Variants in TOP1MT observed in about 807,000 individuals in gnomAD.
TOP1MT encodes the protein DNA topoisomerase I, mitochondrial.
A neutral mutation model predicts 73.9 loss-of-function variants in TOP1MT; 80 were observed. The observed-to-expected ratio is 1.08, with a 90% confidence interval of 0.90 to 1.30. The LOEUF is 1.30. TOP1MT is among the 50% of genes most tolerant of loss of function. TOP1MT has a pLI of 0.00. For missense variants in TOP1MT, 815 were observed against 808.0 expected (o/e 1.01, Z -0.10); for synonymous variants, 338 against 326.4 (o/e 1.04, Z -0.38).
chr8:143,337,850 G>A (rs1018337080), upstream of TOP1MT, among the ~76,000 whole-genome samples: 2 of 152,130 alleles, frequency 1.3e-5, no homozygotes, highest in Admixed American at 1.3e-4. Flanking sequence ...GGACCTAATC[G>A]CTTCTGTTAT....
At chr8:143,342,776 C>T (rs1236892309) in intron 2 of TOP1MT, among the ~76,000 whole-genome samples, 3 of 78,776 alleles carry the variant, frequency 3.8e-5, no homozygotes, top group Non-Finnish European at 9.0e-5. Context: ...GAGTCTTGCT[C>T]TATTATTATT....
intron 12 of TOP1MT, among the ~76,000 whole-genome samples, chr8:143,313,668 A>G (rs1334560490): frequency 6.6e-6 from 1 of 151,798 alleles, no homozygotes; most frequent in African/African-American, 2.4e-5. Flanking sequence ...AGCCTGGGCA[A>G]CATGGTGAAA....
intron 7 of TOP1MT, 38 bp from the exon 8 acceptor site, chr8:143,321,424 C>A: frequency 6.6e-7 from 1 of 1,524,008 alleles, no homozygotes; most frequent in Non-Finnish European, 8.9e-7. Flanking sequence ...GTGGTGCGTG[C>A]ACACGCACGC....
upstream of TOP1MT, among the ~76,000 whole-genome samples, chr8:143,335,102 A>G (rs1320240774): frequency 6.6e-6 from 1 of 152,246 alleles, no homozygotes; most frequent in Non-Finnish European, 1.5e-5. Flanking sequence ...GCGGGGACCC[A>G]GATCCAAACC....
chr8:143,321,874 CCA>C (rs1395957447), intron 7 of TOP1MT, among the ~76,000 whole-genome samples: 3 of 58,786 alleles, frequency 5.1e-5, no homozygotes, highest in African/African-American at 1.1e-4. Flanking sequence ...CACACGCACA[CCA>C]CACGCACGCC....
intron 3 of TOP1MT, chr8:143,327,798 G>T: frequency 2.3e-6 from 1 of 430,556 alleles, no homozygotes; most frequent in Admixed American, 2.7e-5. Flanking sequence ...AGCCTGCACA[G>T]GGGACAAGGA....
At chr8:143,327,879 C>T (rs1463901763) in intron 3 of TOP1MT, 2 of 340,416 alleles carry the variant, frequency 5.9e-6, no homozygotes, top group Non-Finnish European at 1.1e-5. Context: ...CGGCCTCTAC[C>T]CCACACTATA....
intron 3 of TOP1MT, 103 bp downstream of exon 3, chr8:143,329,236 TCACACAGGGGC>T: frequency 8.3e-7 from 1 of 1,199,908 alleles, no homozygotes; most frequent in Non-Finnish European, 1.1e-6. Context: ...CTGTGAGTGG[TCACACAGGGGC>T]CACCGAGAAC....
chr8:143,309,613 G>A (rs1405732109), intron 13 of TOP1MT, 70 bp from the exon 14 acceptor site: 50 of 1,600,230 alleles, frequency 3.1e-5, no homozygotes, highest in East Asian at 2.7e-4. Context: ...CAGGGTGCTC[G>A]GCAAGGGCGA....
Position 143,309,552 on chromosome 8 carries a change from G to C in TOP1MT, c.1704-9C>G, listed in dbSNP as rs1399568053. 1 of 1,613,494 alleles carries C rather than the reference G, an allele frequency of 6.2e-7. No individual in the cohort carries two copies. Among genetic ancestry groups the C allele is most frequent in the Non-Finnish European group, 8.5e-7 (1 of 1,179,980 alleles). Reference sequence around the variant, plus strand: ...CCCTGAACCGCTTGCACCTGCGGGAGGCAGCATCAGCCCAGGCAAGCAGGC... The same window carrying C: ...CCCTGAACCGCTTGCACCTGCGGGACGCAGCATCAGCCCAGGCAAGCAGGC... On this transcript the variant is annotated splice_polypyrimidine_tract_variant and intron_variant, in intron 13 of 13. Coordinates refer to ENST00000329245, the MANE Select transcript of TOP1MT (RefSeq NM_052963.3).
intron 3 of TOP1MT, 147 bp from the exon 4 acceptor site, chr8:143,326,491 G>T (rs1041478775): frequency 1.5e-5 from 16 of 1,052,090 alleles, no homozygotes; most frequent in Non-Finnish European, 2.2e-5. Context: ...ACGGTCCTGC[G>T]GCCCCGTAAA....
At chr8:143,337,209 G>C (rs988394791), upstream of TOP1MT, among the ~76,000 whole-genome samples, 1 of 152,070 alleles carries the variant, frequency 6.6e-6, no homozygotes, top group Non-Finnish European at 1.5e-5. Context: ...GGCGGATCAC[G>C]AGGTCAGATC....
chr8:143,318,226 C>T (rs950881045), intron 8 of TOP1MT, 140 bp from the exon 9 acceptor site: 3 of 682,486 alleles, frequency 4.4e-6, no homozygotes, highest in Middle Eastern at 3.9e-4. Context: ...CGTCACCTGT[C>T]GGCATCCTCC....
chr8:143,317,972 T>C (rs760342620), intron 9 of TOP1MT, 46 bp downstream of exon 9: 1 of 1,609,238 alleles, frequency 6.2e-7, no homozygotes, highest in Admixed American at 1.7e-5. Context: ...GCCCTCTCAC[T>C]GGGTCCTGCC....
At chr8:143,311,769 G>A (rs911268456) in intron 12 of TOP1MT, among the ~76,000 whole-genome samples, 1 of 149,380 alleles carries the variant, frequency 6.7e-6, no homozygotes, top group Non-Finnish European at 1.5e-5. Flanking sequence ...AAAAAGAACC[G>A]CAGCCACAAT....
chr8:143,326,570 G>A (rs1157861506), intron 3 of TOP1MT, among the ~76,000 whole-genome samples: 3 of 152,218 alleles, frequency 2.0e-5, no homozygotes, highest in Non-Finnish European at 2.9e-5. Context: ...GTTGGGTGGG[G>A]CAGCGGAGGG....
At chr8:143,338,060 C>T (rs959900473), upstream of TOP1MT, among the ~76,000 whole-genome samples, 4 of 152,112 alleles carry the variant, frequency 2.6e-5, no homozygotes, top group African/African-American at 7.2e-5. Context: ...TCTTGAGAGG[C>T]GATTCTACTG....
chr8:143,313,410 T>C (rs1167010266), intron 12 of TOP1MT, among the ~76,000 whole-genome samples: 5 of 150,608 alleles, frequency 3.3e-5, no homozygotes, highest in African/African-American at 1.2e-4. Context: ...ATTAGCCAGG[T>C]ATAGTGGTGT....
At chr8:143,323,281 A>T (rs1467363823) in intron 7 of TOP1MT, among the ~76,000 whole-genome samples, 4 of 109,528 alleles carry the variant, frequency 3.7e-5, no homozygotes, top group African/African-American at 3.9e-5. Context: ...CCACACACGC[A>T]CGCCACACAC....
Sources: allele counts gnomAD v4.1 joint callset (sites outside exome capture counted in the v4.1 genomes callset), GRCh38; gene constraint gnomAD v4.1.1; transcripts MANE v1.5; gene names NCBI Gene and HGNC (gene_info 2026-07-23, HGNC 2026-07-21).